The following ADAM17 variants were observed in gnomAD, a reference collection of about 807,000 sequenced individuals.
ADAM17 encodes ADAM metallopeptidase domain 17, also known as disintegrin and metalloproteinase domain-containing protein 17.
ADAM17 carries 39 observed loss-of-function variants against 96.7 expected under a neutral mutation model. That is an observed-to-expected ratio of 0.40 (90% confidence interval 0.31 to 0.53). ADAM17 has a LOEUF of 0.53. Among genes scored for constraint, ADAM17 ranks in the 20% least tolerant of loss-of-function variants. The pLI, the probability that ADAM17 is intolerant of heterozygous loss-of-function variation, is 0.44. For synonymous variants in ADAM17, 344 were observed against 359.2 expected (o/e 0.96, Z 0.48); for missense variants, 777 against 1,013.2 (o/e 0.77, Z 3.17).
rs114449267 is a variant in ADAM17, at chr2:9,549,810, C to T, written c.97+5699G>A. Among the ~76,000 whole-genome samples, 490 of 152,250 alleles carry T rather than the reference C, an allele frequency of 3.2e-3. 3 individuals carry two copies. Among genetic ancestry groups the T allele is most frequent in the African/African-American group, 0.011 (475 of 41,538 alleles). On this transcript the variant is annotated intron_variant, in intron 1 of 18. Coordinates refer to ENST00000310823, the MANE Select transcript of ADAM17 (RefSeq NM_003183.6). ...CTGAGATGACAGTCGTGAGCCACCG[C>T]GCCCAGCTTGTGGATTTTTTACATT...
chr2:9,491,910 C>A (rs533410211), intron 17 of ADAM17, among the ~76,000 whole-genome samples: 2 of 152,338 alleles, frequency 1.3e-5, no homozygotes, highest in East Asian at 3.9e-4. Context: ...AGGTTCCATC[C>A]TCCAATAGAA....
intron 8 of ADAM17, among the ~76,000 whole-genome samples, chr2:9,519,255 A>T (rs572044414): frequency 6.6e-6 from 1 of 152,176 alleles, no homozygotes; most frequent in Non-Finnish European, 1.5e-5. Context: ...CTATATGAGG[A>T]ATGAAGTGTG....
Position 9,520,821 on chromosome 2 carries a change from G to A in ADAM17, c.957+382C>T, listed in dbSNP as rs148980111. ...TCTACTAAAAATACAAAAATTAGCCGGCCGTGGTGGTGCATGCCTATAATC... is the reference window on the plus strand; with the variant it reads ...TCTACTAAAAATACAAAAATTAGCCAGCCGTGGTGGTGCATGCCTATAATC... On this transcript the variant is annotated intron_variant, in intron 8 of 18. Transcript: ENST00000310823. Among the ~76,000 whole-genome samples, 654 of 151,736 alleles carry A rather than the reference G, an allele frequency of 4.3e-3. 3 individuals carry two copies. Among genetic ancestry groups the A allele is most frequent in the African/African-American group, 0.015 (609 of 41,402 alleles).
chr2:9,537,681 G>A (rs775467260), intron 2 of ADAM17, among the ~76,000 whole-genome samples: 16 of 151,488 alleles, frequency 1.1e-4, no homozygotes, highest in Non-Finnish European at 1.8e-4. Flanking sequence ...GCTGTGAGCC[G>A]AGATCGCCAG....
chr2:9,526,285 A>C (rs1383921110), intron 5 of ADAM17, 41 bp from the exon 6 acceptor site: 7 of 1,589,064 alleles, frequency 4.4e-6, no homozygotes, highest in East Asian at 2.2e-5. Flanking sequence ...AAAATTCACC[A>C]AAACAAGGAG....
In ADAM17 at chr2:9,489,094, C is replaced by A. The variant is rs1661845314; in HGVS notation, c.*1083G>T. On this transcript the variant is annotated 3_prime_UTR_variant, in exon 19 of 19. Transcript: ENST00000310823. ...CAAGTCTTGTGGGGACAGCCCCCAA[C>A]CCTAAGGGCAGGTAGTATTCTATCT... 6.6e-6 allele frequency: 1 copy of A among 152,092 alleles called. No homozygotes were observed. The highest frequency in any genetic ancestry group is 1.9e-4 in the East Asian group (1 of 5,188). The allele number at this position is 152,092 out of a possible 1,614,324, so 9.4% of individuals were successfully genotyped here. A position where few individuals can be genotyped will look rare whatever the true frequency, so the allele number is the denominator to read the frequency against.
At chr2:9,533,495 T>C (rs6716424) in intron 4 of ADAM17, among the ~76,000 whole-genome samples, 96,649 of 151,924 alleles carry the variant, frequency 0.64, 32,193 homozygotes, top group Middle Eastern at 0.76. Context: ...TGCAGTGAGC[T>C]GAGATCACGC....
chr2:9,496,809 GAC>G (rs1463073380), intron 14 of ADAM17, among the ~76,000 whole-genome samples: 2 of 152,110 alleles, frequency 1.3e-5, no homozygotes, highest in African/African-American at 2.4e-5. Context: ...GGAAGGCTAG[GAC>G]ACACCTCTAC....
rs746264614 is a variant in ADAM17, at chr2:9,490,391, A to T, written c.2261T>A (p.Leu754Gln). Residue 754 changes from leucine (L) to glutamine (Q), a missense_variant, in exon 19 of 19, where the codon CTG becomes CAG. By Grantham distance (113) the Leu-to-Gln change is moderately radical. Around this residue, in one of 3 missense-constraint regions of ADAM17, gnomAD observed 197 missense variants for 219.4 expected, o/e 0.90. Transcript: ENST00000310823. The part of the protein sequence containing the change: ...VIPSAPAAPK[L>Q]DHQRMDTIQE... ...GATGGTGTCCATTCTCTGGTGGTCC[A>T]GTTTTGGAGCTGCTGGCGCCGAAGG... The T allele has an allele frequency of 1.9e-6, 3 of 1,614,056 alleles. No individual in the cohort carries two copies. The highest frequency in any genetic ancestry group is 1.1e-5 in the South Asian group (1 of 91,070).
chr2:9,489,880 G>A lies in ADAM17; in HGVS notation c.*297C>T, dbSNP rs987518912. 15 of 273,942 alleles carry A rather than the reference G, an allele frequency of 5.5e-5. No individual in the cohort carries two copies. The highest frequency in any genetic ancestry group is 3.1e-4 in the East Asian group (5 of 16,108). The allele number at this position is 273,942 out of a possible 1,614,324, so 17.0% of individuals were successfully genotyped here. A position where few individuals can be genotyped will look rare whatever the true frequency, so the allele number is the denominator to read the frequency against. On this transcript the variant is annotated 3_prime_UTR_variant, in exon 19 of 19. Transcript: ENST00000310823. ...ATATAAAAGATTAATTTACAAAAACGTAAATATTCATAACCCAATCCAGCT... is the reference window on the plus strand; with the variant it reads ...ATATAAAAGATTAATTTACAAAAACATAAATATTCATAACCCAATCCAGCT...
intron 6 of ADAM17, 30 bp downstream of exon 6, chr2:9,526,081 C>G: frequency 6.4e-7 from 1 of 1,553,298 alleles, no homozygotes; most frequent in South Asian, 1.2e-5. Context: ...ATTTTTTTTT[C>G]AATTACTCGA....
At chr2:9,497,357 G>A in intron 13 of ADAM17, 109 bp from the exon 14 acceptor site, 2 of 1,422,802 alleles carry the variant, frequency 1.4e-6, no homozygotes, top group Non-Finnish European at 1.9e-6. Flanking sequence ...CCTTGCAAAA[G>A]CAAAAAGTGA....
At chr2:9,513,140 A>C (rs915851403) in intron 10 of ADAM17, among the ~76,000 whole-genome samples, 1 of 152,074 alleles carries the variant, frequency 6.6e-6, no homozygotes, top group Admixed American at 6.6e-5. Context: ...GATTATAGGC[A>C]TGCACCACCA....
chr2:9,519,898 C>G (rs1002971835), intron 8 of ADAM17, among the ~76,000 whole-genome samples: 1 of 152,234 alleles, frequency 6.6e-6, no homozygotes, highest in Non-Finnish European at 1.5e-5. Flanking sequence ...GCTGCTTTGT[C>G]ATGTCAGCTG....
At position 9,538,915 on chromosome 2, in the gene ADAM17, T is replaced by C. The variant is rs191521784; in HGVS notation, c.231-2087A>G. On this transcript the variant is annotated intron_variant, in intron 2 of 18. Transcript: ENST00000310823. ...AATTAACATTATTACCCTAACCATT[T>C]TTAATGGTCCATTTAGTCAGGTATA... 3.0e-4 allele frequency among the ~76,000 whole-genome samples: 46 copies of C among 152,304 alleles called. 1 individual carries two copies. In the East Asian group the frequency reaches 8.7e-3, roughly 29 times the overall value.
chr2:9,505,448 CA>C (rs1275328059), intron 11 of ADAM17, 83 bp from the exon 12 acceptor site: 1 of 1,404,074 alleles, frequency 7.1e-7, no homozygotes, highest in African/African-American at 1.4e-5. Context: ...TCTCTAGAGA[CA>C]AACTCTTAAT....
chr2:9,552,653 C>T (rs773455111), intron 1 of ADAM17, among the ~76,000 whole-genome samples: 1 of 152,198 alleles, frequency 6.6e-6, no homozygotes, highest in Admixed American at 6.5e-5. Flanking sequence ...CTCCCACCCA[C>T]TACATCCTCT....
intron 1 of ADAM17, among the ~76,000 whole-genome samples, chr2:9,545,727 T>C (rs934672930): frequency 3.9e-5 from 6 of 152,168 alleles, no homozygotes; most frequent in East Asian, 1.9e-4. Context: ...TGTGAAATGG[T>C]TGGATGTTGT....
Position 9,491,088 on chromosome 2 carries a change from A to G in ADAM17, c.2133+13T>C, listed in dbSNP as rs377163769. 185 of 1,610,056 alleles carry G rather than the reference A, an allele frequency of 1.1e-4. No individual in the cohort carries two copies. Among genetic ancestry groups the G allele is most frequent in the Non-Finnish European group, 1.4e-4 (164 of 1,176,890 alleles). ...CAGGCGAAGATTATGTTTCTTTCATATGGTATACTTACACTGGGGTGAAAC... is the reference window on the plus strand; with the variant it reads ...CAGGCGAAGATTATGTTTCTTTCATGTGGTATACTTACACTGGGGTGAAAC... On this transcript the variant is annotated intron_variant, in intron 18 of 18. Transcript: ENST00000310823.
Sources: gnomAD v4.1 joint callset for allele counts (sites outside exome capture counted in the v4.1 genomes callset) on GRCh38, gnomAD v4.1.1 for gene constraint, gnomAD v4.1.1 regional missense constraint, MANE v1.5 for transcripts, NCBI Gene and HGNC (gene_info 2026-07-23, HGNC 2026-07-21) for gene names.